The following SLC24A2 variants were observed in gnomAD, a reference collection of about 807,000 sequenced individuals.
SLC24A2 encodes the protein sodium/potassium/calcium exchanger 2.
A neutral mutation model predicts 62.0 loss-of-function variants in SLC24A2; 36 were observed. The observed-to-expected ratio is 0.58, with a 90% confidence interval of 0.44 to 0.77. The LOEUF (loss-of-function observed/expected upper bound fraction) is 0.77. SLC24A2 is among the 30% of genes least tolerant of loss of function. The pLI, the probability that SLC24A2 is intolerant of heterozygous loss-of-function variation, is 0.00. For missense variants in SLC24A2, 846 were observed against 817.9 expected, an observed-to-expected ratio of 1.03 and a Z score of -0.42; for synonymous variants, 358 against 294.0, an observed-to-expected ratio of 1.22 and a Z score of -2.23.
the SLC24A2 span, among the ~76,000 whole-genome samples, chr9:20,136,135 C>G: frequency 6.6e-6 from 1 of 152,130 alleles, no homozygotes. Context: ...AGAGAGGCAA[C>G]TCAATAACGC....
chr9:19,525,449 G>A (rs1833401590), intron 9 of SLC24A2, among the ~76,000 whole-genome samples: 1 of 127,290 alleles, frequency 7.9e-6, no homozygotes, highest in Admixed American at 1.0e-4. Flanking sequence ...TGCCACCCAT[G>A]CTGGAGTGCA....
the SLC24A2 span, among the ~76,000 whole-genome samples, chr9:20,145,210 T>C: frequency 6.6e-6 from 1 of 152,268 alleles, no homozygotes; most frequent in East Asian, 1.9e-4. Context: ...CTGGAATTTA[T>C]AGGCATTTTG....
At chr9:19,555,862 T>C (rs772405539) in intron 7 of SLC24A2, among the ~76,000 whole-genome samples, 9 of 152,114 alleles carry the variant, frequency 5.9e-5, no homozygotes, top group Non-Finnish European at 1.0e-4. Context: ...GGAGAATCAC[T>C]TGAACCCGGG....
At chr9:19,981,553 C>T in the SLC24A2 span, among the ~76,000 whole-genome samples, 2 of 151,878 alleles carry the variant, frequency 1.3e-5, no homozygotes, top group Admixed American at 6.6e-5. Context: ...TTAAAAATCC[C>T]CTGTATCAGT....
At chr9:19,865,228 C>A in the SLC24A2 span, among the ~76,000 whole-genome samples, 1 of 151,980 alleles carries the variant, frequency 6.6e-6, no homozygotes, top group Admixed American at 6.5e-5. Flanking sequence ...TGCATTGGAA[C>A]AATCACTATT....
the SLC24A2 span, among the ~76,000 whole-genome samples, chr9:20,178,960 G>A: frequency 1.4e-4 from 22 of 152,234 alleles, no homozygotes; most frequent in Middle Eastern, 3.4e-3. Flanking sequence ...CTTGGGCTCA[G>A]AAAGACCTGT....
At chr9:19,645,814 C>T (rs942347777) in intron 2 of SLC24A2, among the ~76,000 whole-genome samples, 2 of 152,190 alleles carry the variant, frequency 1.3e-5, no homozygotes, top group Non-Finnish European at 2.9e-5. Context: ...AGTCTGCAAA[C>T]AATTTCTAAA....
At chr9:19,630,833 T>C (rs1265623527) in intron 2 of SLC24A2, among the ~76,000 whole-genome samples, 3 of 152,180 alleles carry the variant, frequency 2.0e-5, no homozygotes, top group African/African-American at 4.8e-5. Context: ...CATACAACAC[T>C]TTCCGTTGAA....
chr9:19,752,193 T>C (rs988333835), intron 2 of SLC24A2, among the ~76,000 whole-genome samples: 1 of 152,038 alleles, frequency 6.6e-6, no homozygotes, highest in Non-Finnish European at 1.5e-5. Flanking sequence ...GCAGAAAGAA[T>C]GAGGACTTGA....
the SLC24A2 span, among the ~76,000 whole-genome samples, chr9:20,224,447 C>A: frequency 3.3e-5 from 5 of 151,926 alleles, no homozygotes; most frequent in African/African-American, 1.2e-4. Context: ...AAAACACTGA[C>A]AAGTATTGAC....
chr9:20,141,908 C>T, the SLC24A2 span, among the ~76,000 whole-genome samples: 200 of 152,272 alleles, frequency 1.3e-3, no homozygotes, highest in Middle Eastern at 6.8e-3. Context: ...CATGGCAAAA[C>T]CCCATCTCTA....
At chr9:19,914,298 G>C in the SLC24A2 span, among the ~76,000 whole-genome samples, 12 of 152,024 alleles carry the variant, frequency 7.9e-5, no homozygotes, top group East Asian at 2.1e-3. Context: ...CTCTTCCTAG[G>C]ATCCATACTG....
At chr9:19,553,564 C>T (rs1429350806) in intron 7 of SLC24A2, among the ~76,000 whole-genome samples, 1 of 152,078 alleles carries the variant, frequency 6.6e-6, no homozygotes, top group Non-Finnish European at 1.5e-5. Context: ...ACTTTAAGTT[C>T]CCACATGGTG....
intron 2 of SLC24A2, among the ~76,000 whole-genome samples, chr9:19,631,035 T>A (rs1398100924): frequency 6.6e-6 from 1 of 152,110 alleles, no homozygotes; most frequent in East Asian, 1.9e-4. Context: ...CCCCACTTCC[T>A]CCCTAGTTCA....
chr9:19,823,298 TG>T, the SLC24A2 span, among the ~76,000 whole-genome samples: 1 of 4,420 alleles, frequency 2.3e-4, no homozygotes, highest in Non-Finnish European at 3.2e-3. Context: ...GTATTAACAT[TG>T]TGTGTGTGTG....
chr9:19,702,121 C>G (rs557205638), intron 2 of SLC24A2, among the ~76,000 whole-genome samples: 1 of 152,254 alleles, frequency 6.6e-6, no homozygotes, highest in African/African-American at 2.4e-5. Flanking sequence ...TGAGAGATTT[C>G]AGAGTGAAAT....
At chr9:20,110,756 C>G in the SLC24A2 span, among the ~76,000 whole-genome samples, 4 of 152,184 alleles carry the variant, frequency 2.6e-5, no homozygotes, top group African/African-American at 9.6e-5. Flanking sequence ...CATTTTGCAT[C>G]CAATCATTTG....
chr9:19,819,333 G>T, the SLC24A2 span, among the ~76,000 whole-genome samples: 3 of 151,990 alleles, frequency 2.0e-5, no homozygotes, highest in Non-Finnish European at 4.4e-5. Context: ...TGCAATAAAA[G>T]CAAAGATAAT....
chr9:20,013,995 G>C, the SLC24A2 span, among the ~76,000 whole-genome samples: 1 of 152,160 alleles, frequency 6.6e-6, no homozygotes, highest in Non-Finnish European at 1.5e-5. Flanking sequence ...AATCACTTGA[G>C]CTCAGGAGTT....
Sources: gnomAD v4.1 joint callset for allele counts (sites outside exome capture counted in the v4.1 genomes callset) on GRCh38, gnomAD v4.1.1 for gene constraint, MANE v1.5 for transcripts, NCBI Gene and HGNC (gene_info 2026-07-23, HGNC 2026-07-21) for gene names.